The following ZBTB7C variants were observed in gnomAD, a reference collection of about 807,000 sequenced individuals.
ZBTB7C encodes the protein zinc finger and BTB domain containing 7C, also known as zinc finger and BTB domain-containing protein 7C.
Under a neutral mutation model 25.7 loss-of-function variants are expected in ZBTB7C, and 8 were observed. The observed-to-expected ratio is 0.31, with a 90% CI of 0.18 to 0.56. The LOEUF (loss-of-function observed/expected upper bound fraction) is 0.56, where lower values mean the gene tolerates loss of function less well. Among genes scored for constraint, ZBTB7C ranks in the 20% least tolerant of loss-of-function variants. ZBTB7C has a pLI of 0.91. For synonymous variants in ZBTB7C, 394 were observed against 369.0 expected (o/e 1.07, Z -0.78); for missense variants, 824 against 855.2 (o/e 0.96, Z 0.46).
At chr18:48,333,570 T>C (rs1435632891) in intron 2 of ZBTB7C, among the ~76,000 whole-genome samples, 1 of 152,202 alleles carries the variant, frequency 6.6e-6, no homozygotes, top group Admixed American at 6.5e-5. Flanking sequence ...CTTATCCAAA[T>C]GTGCTTGAGT....
At chr18:48,183,112 A>G (rs1286919162) in intron 3 of ZBTB7C, among the ~76,000 whole-genome samples, 1 of 152,200 alleles carries the variant, frequency 6.6e-6, no homozygotes, top group Non-Finnish European at 1.5e-5. Context: ...GTTCTTATGC[A>G]TTTTAAACAT....
At chr18:48,362,474 G>T (rs2145107490) in intron 1 of ZBTB7C, among the ~76,000 whole-genome samples, 1 of 152,290 alleles carries the variant, frequency 6.6e-6, no homozygotes, top group Non-Finnish European at 1.5e-5. Context: ...CTTTCCATGT[G>T]TAAGGGCACA....
At chr18:48,332,673 C>CT (rs58216606) in intron 2 of ZBTB7C, among the ~76,000 whole-genome samples, 4,356 of 85,624 alleles carry the variant, frequency 0.051, 141 homozygotes, top group East Asian at 0.073. Flanking sequence ...CTCTCCTTTG[C>CT]TTTTTTTTTT....
intron 3 of ZBTB7C, among the ~76,000 whole-genome samples, chr18:48,138,567 G>T (rs1229656914): frequency 6.6e-6 from 1 of 152,316 alleles, no homozygotes. Flanking sequence ...TGCGTGAGGG[G>T]AGAGAGAGGC....
At chr18:48,382,223 G>A (rs1243547585) in intron 1 of ZBTB7C, among the ~76,000 whole-genome samples, 1 of 152,086 alleles carries the variant, frequency 6.6e-6, no homozygotes. Context: ...TTAGAAATAT[G>A]GCTATAAGCA....
chr18:48,029,698 C>A lies in ZBTB7C; in HGVS notation c.1422G>T (p.Met474Ile). ...HRHIKRQSCR[M>I]ARPRRGRKPA... ...GCTTGCGGCCGCGTCGGGGCCGTGCCATGCGGCAGCTCTGGCGCTTGATGT... is the reference window on the plus strand; with the variant it reads ...GCTTGCGGCCGCGTCGGGGCCGTGCAATGCGGCAGCTCTGGCGCTTGATGT... The change falls in exon 5 of 5, where the codon ATG becomes ATT. Residue 474 changes from methionine to isoleucine, a missense_variant. Physicochemically the swap from Met to Ile is conservative, Grantham distance 10. Around this residue, in one of 4 missense-constraint regions of ZBTB7C, gnomAD observed 342 missense variants for 307.0 expected, o/e 1.11. Coordinates refer to ENST00000590800, the MANE Select transcript of ZBTB7C (RefSeq NM_001318841.2). 6.2e-7 allele frequency: 1 copy of A among 1,600,586 alleles called. No homozygotes were observed. The highest frequency in any genetic ancestry group is 8.5e-7 in the Non-Finnish European group (1 of 1,178,198).
At chr18:48,251,684 C>T (rs756673766) in intron 2 of ZBTB7C, among the ~76,000 whole-genome samples, 35 of 152,152 alleles carry the variant, frequency 2.3e-4, no homozygotes, top group Non-Finnish European at 4.6e-4. Flanking sequence ...AGGTAGAGAA[C>T]CCAATCTGCA....
chr18:48,160,384 TA>T (rs2040969929), intron 3 of ZBTB7C, among the ~76,000 whole-genome samples: 1 of 152,096 alleles, frequency 6.6e-6, no homozygotes, highest in Non-Finnish European at 1.5e-5. Flanking sequence ...ACCCTAAAAT[TA>T]AAGCACAGTA....
chr18:48,143,442 A>G (rs1315192199), intron 3 of ZBTB7C, among the ~76,000 whole-genome samples: 2 of 152,352 alleles, frequency 1.3e-5, no homozygotes, highest in East Asian at 3.9e-4. Context: ...CCTAGGACAA[A>G]CAACTAATTC....
chr18:48,213,712 G>T (rs1478945557), intron 2 of ZBTB7C, among the ~76,000 whole-genome samples: 1 of 152,160 alleles, frequency 6.6e-6, no homozygotes, highest in Non-Finnish European at 1.5e-5. Flanking sequence ...TTTGGGTACT[G>T]GTTCTGACTG....
chr18:48,057,068 A>AC (rs2036946418), intron 3 of ZBTB7C, among the ~76,000 whole-genome samples: 1 of 151,244 alleles, frequency 6.6e-6, no homozygotes, highest in Non-Finnish European at 1.5e-5. Context: ...AAAAAAAAAA[A>AC]AACCAACCCA....
intron 2 of ZBTB7C, among the ~76,000 whole-genome samples, chr18:48,219,005 G>C (rs1320067090): frequency 6.6e-6 from 1 of 152,168 alleles, no homozygotes; most frequent in Non-Finnish European, 1.5e-5. Flanking sequence ...GTTCACCACA[G>C]CTTGTCTGCC....
intron 3 of ZBTB7C, among the ~76,000 whole-genome samples, chr18:48,114,419 T>C (rs1323814277): frequency 6.6e-6 from 1 of 151,960 alleles, no homozygotes. Context: ...CTGGCCAACA[T>C]GGTGAGAGCC....
intron 3 of ZBTB7C, among the ~76,000 whole-genome samples, chr18:48,091,034 C>A (rs2038390862): frequency 1.3e-5 from 2 of 150,906 alleles, no homozygotes; most frequent in African/African-American, 2.4e-5. Flanking sequence ...CTAATTTTAA[C>A]AATATATTTT....
intron 2 of ZBTB7C, among the ~76,000 whole-genome samples, chr18:48,314,206 T>A (rs1277517380): frequency 6.6e-6 from 1 of 152,254 alleles, no homozygotes; most frequent in Non-Finnish European, 1.5e-5. Context: ...TATATCTGAA[T>A]TTCAGATAAA....
intron 2 of ZBTB7C, among the ~76,000 whole-genome samples, chr18:48,307,320 T>C (rs1185816590): frequency 1.3e-5 from 2 of 152,160 alleles, no homozygotes; most frequent in Non-Finnish European, 2.9e-5. Context: ...ACTAATTACT[T>C]CTCACACTGT....
At chr18:48,152,183 G>A (rs2040700045) in intron 3 of ZBTB7C, among the ~76,000 whole-genome samples, 1 of 152,178 alleles carries the variant, frequency 6.6e-6, no homozygotes, top group Non-Finnish European at 1.5e-5. Flanking sequence ...CCTTAACAGT[G>A]TCTCTGGTGG....
intron 1 of ZBTB7C, among the ~76,000 whole-genome samples, chr18:48,352,131 C>A (rs117487488): frequency 6.6e-6 from 1 of 152,334 alleles, no homozygotes; most frequent in East Asian, 1.9e-4. Flanking sequence ...TTGTACTTTA[C>A]CCCATCCTCG....
At chr18:48,313,404 C>T (rs2045869069) in intron 2 of ZBTB7C, among the ~76,000 whole-genome samples, 1 of 152,216 alleles carries the variant, frequency 6.6e-6, no homozygotes, top group African/African-American at 2.4e-5. Context: ...TGCTTAGGCC[C>T]TGTCCAGACA....
Sources: gnomAD v4.1 joint callset for allele counts (sites outside exome capture counted in the v4.1 genomes callset) on GRCh38, gnomAD v4.1.1 for gene constraint, gnomAD v4.1.1 regional missense constraint, MANE v1.5 for transcripts, NCBI Gene and HGNC (gene_info 2026-07-23, HGNC 2026-07-21) for gene names.